The following SLC39A12 variants were observed in gnomAD, a reference collection of about 807,000 sequenced individuals.
SLC39A12 encodes zinc transporter ZIP12.
A neutral mutation model predicts 71.1 loss-of-function variants in SLC39A12; 63 were observed. The observed-to-expected ratio is 0.89, with a 90% CI of 0.72 to 1.09. SLC39A12 has a LOEUF of 1.09. Among genes scored for constraint, SLC39A12 ranks in the 50% least tolerant of loss-of-function variants. SLC39A12 has a pLI of 0.00. For missense variants in SLC39A12, 892 were observed against 812.6 expected (o/e 1.10, Z -1.19); for synonymous variants, 351 against 301.3 (o/e 1.16, Z -1.71).
chr10:18,037,372 A>T (rs969031927), intron 12 of SLC39A12, among the ~76,000 whole-genome samples: 1 of 152,066 alleles, frequency 6.6e-6, no homozygotes, highest in African/African-American at 2.4e-5. Flanking sequence ...CCTTGGTCAT[A>T]ATAGACAAGG....
At chr10:18,014,541 C>T (rs187180860) in intron 12 of SLC39A12, among the ~76,000 whole-genome samples, 1 of 152,110 alleles carries the variant, frequency 6.6e-6, no homozygotes, top group East Asian at 1.9e-4. Context: ...TTTTTGAAAC[C>T]CACTGGAAAC....
intron 12 of SLC39A12, among the ~76,000 whole-genome samples, chr10:18,035,007 C>G (rs1419256269): frequency 6.7e-6 from 1 of 149,994 alleles, no homozygotes; most frequent in Admixed American, 6.6e-5. Flanking sequence ...GGGTTTCTGC[C>G]GAGAGATCCG....
chr10:17,965,558 C>T lies in SLC39A12; in HGVS notation c.619C>T (p.Gln207Ter). 1 of 1,614,206 alleles carries T rather than the reference C, an allele frequency of 6.2e-7. No individual in the cohort carries two copies. Residue 207 changes from glutamine (Q) to a stop codon, truncating the protein, a stop_gained, in exon 4 of 13, where the codon CAG (glutamine) becomes TAG (stop). Coordinates refer to ENST00000377369, the MANE Select transcript of SLC39A12 (RefSeq NM_001145195.2). LOFTEE classifies it high-confidence loss of function. ...AGGTGCTAATGAAAGTACGCTTCCT[C>T]AGTTGGCAGCCATGATCATTACTTT... is the stretch of plus-strand genomic sequence containing the variant. ...SEGANESTLP[Q>*]LAAMIITLSL...
chr10:17,965,839 G>A (rs1309680536), intron 4 of SLC39A12, 149 bp downstream of exon 4: 1 of 706,652 alleles, frequency 1.4e-6, no homozygotes, highest in Non-Finnish European at 2.3e-6. Context: ...GACAGCTTAT[G>A]TGGCCTTTCA....
intron 4 of SLC39A12, among the ~76,000 whole-genome samples, chr10:17,970,951 C>G (rs1225209120): frequency 6.6e-6 from 1 of 151,912 alleles, no homozygotes; most frequent in Non-Finnish European, 1.5e-5. Context: ...ATATATATAG[C>G]TTTTATTATG....
intron 5 of SLC39A12, among the ~76,000 whole-genome samples, chr10:17,978,606 C>T (rs1009767159): frequency 6.6e-6 from 1 of 152,092 alleles, no homozygotes; most frequent in African/African-American, 2.4e-5. Flanking sequence ...AGGAAGAGAA[C>T]AAATACGGTC....
chr10:17,961,288 G>C (rs1834681623), intron 2 of SLC39A12, among the ~76,000 whole-genome samples: 1 of 152,140 alleles, frequency 6.6e-6, no homozygotes, highest in South Asian at 2.1e-4. Flanking sequence ...AAATGCAAAT[G>C]GGCATCACTT....
intron 6 of SLC39A12, among the ~76,000 whole-genome samples, chr10:17,983,503 G>A (rs1455168397): frequency 6.6e-6 from 1 of 151,914 alleles, no homozygotes; most frequent in Non-Finnish European, 1.5e-5. Flanking sequence ...AAGAACCTAG[G>A]CCGGGCACAG....
intron 12 of SLC39A12, among the ~76,000 whole-genome samples, chr10:18,021,113 T>C (rs1037569074): frequency 1.3e-5 from 2 of 152,116 alleles, no homozygotes; most frequent in African/African-American, 4.8e-5. Flanking sequence ...GTTTTACATT[T>C]AAGTCTTTAA....
chr10:18,010,662 A>G (rs1274752817), intron 12 of SLC39A12: 1 of 152,162 alleles, frequency 6.6e-6, no homozygotes, highest in Non-Finnish European at 1.5e-5. Flanking sequence ...ATTAAAAGAA[A>G]CTGACCATCA....
At chr10:18,004,255 C>G (rs979270860) in intron 12 of SLC39A12, 1 of 152,078 alleles carries the variant, frequency 6.6e-6, no homozygotes, top group African/African-American at 2.4e-5. Context: ...AATTAATTAA[C>G]AAAAGAGGTA....
chr10:17,996,946 C>T (rs1835699232), intron 10 of SLC39A12, among the ~76,000 whole-genome samples: 1 of 143,248 alleles, frequency 7.0e-6, no homozygotes, highest in Non-Finnish European at 1.5e-5. Flanking sequence ...TGCAGGGAGG[C>T]GGAGCTTGCA....
chr10:18,001,157 A>AAATATTAGG (rs1835823022), intron 11 of SLC39A12, among the ~76,000 whole-genome samples: 1 of 152,196 alleles, frequency 6.6e-6, no homozygotes, highest in Non-Finnish European at 1.5e-5. Flanking sequence ...AATGTGAGAA[A>AAATATTAGG]AATATTAGGA....
chr10:18,034,197 G>A (rs1683042544), intron 12 of SLC39A12, among the ~76,000 whole-genome samples: 1 of 151,820 alleles, frequency 6.6e-6, no homozygotes, highest in South Asian at 2.1e-4. Context: ...TTCAATTCCT[G>A]GGTATCCTTG....
intron 6 of SLC39A12, among the ~76,000 whole-genome samples, chr10:17,986,098 C>G (rs1393380878): frequency 1.3e-5 from 2 of 152,140 alleles, no homozygotes. Context: ...TACAATACTG[C>G]CAAACCTTAT....
chr10:17,963,495 T>A (rs782528916), intron 3 of SLC39A12, among the ~76,000 whole-genome samples: 2 of 152,206 alleles, frequency 1.3e-5, no homozygotes, highest in Non-Finnish European at 1.5e-5. Context: ...TAGAACTCCT[T>A]TTTCCAGCTA....
At chr10:18,040,929 C>T (rs1414759962) in intron 12 of SLC39A12, among the ~76,000 whole-genome samples, 1 of 151,914 alleles carries the variant, frequency 6.6e-6, no homozygotes, top group African/African-American at 2.4e-5. Context: ...TTTTTGCTTG[C>T]CATGATTGTG....
intron 12 of SLC39A12, among the ~76,000 whole-genome samples, chr10:18,037,824 A>G (rs1008269553): frequency 6.6e-6 from 1 of 151,670 alleles, no homozygotes; most frequent in African/African-American, 2.4e-5. Context: ...GATGGAGACC[A>G]TCTTGGCCAA....
chr10:17,972,611 T>C (rs1177110596), intron 4 of SLC39A12, among the ~76,000 whole-genome samples: 1 of 152,152 alleles, frequency 6.6e-6, no homozygotes, highest in Non-Finnish European at 1.5e-5. Flanking sequence ...TCTTACAGTC[T>C]TTGTCTTGAA....
Sources: gnomAD v4.1 joint callset for allele counts (sites outside exome capture counted in the v4.1 genomes callset) on GRCh38, gnomAD v4.1.1 for gene constraint, MANE v1.5 for transcripts, NCBI Gene and HGNC (gene_info 2026-07-23, HGNC 2026-07-21) for gene names.